The following RASL10B variants were observed in gnomAD, a reference collection of about 807,000 sequenced individuals.
The protein encoded by RASL10B is ras-like protein family member 10B.
A neutral mutation model predicts 20.7 loss-of-function variants in RASL10B; 10 were observed. The observed-to-expected ratio is 0.48, with a 90% CI of 0.30 to 0.82. RASL10B has a LOEUF of 0.82. RASL10B is among the 40% of genes least tolerant of loss of function. The pLI is 0.07. For missense variants in RASL10B, 231 were observed against 295.4 expected (o/e 0.78, Z 1.60); for synonymous variants, 110 against 123.3 (o/e 0.89, Z 0.72).
chr17:35,736,340 C>T (rs950752952), intron 2 of RASL10B, among the ~76,000 whole-genome samples: 2 of 152,224 alleles, frequency 1.3e-5, no homozygotes, highest in Admixed American at 1.3e-4. Context: ...CAAGGCTCGT[C>T]CAGGTGTAAC....
intron 2 of RASL10B, chr17:35,737,162 GATTTT>G (rs1357563898): frequency 6.6e-6 from 1 of 152,126 alleles, no homozygotes; most frequent in African/African-American, 2.4e-5. Flanking sequence ...TCTGTACCTT[GATTTT>G]ATTTTATTTT....
In RASL10B at chr17:35,735,041, A is replaced by G. The variant is rs1203394058; in HGVS notation, c.-144A>G. On this transcript the variant is annotated 5_prime_UTR_variant, in exon 2 of 4. Transcript: ENST00000603017. The surrounding 1 kb of genome is among the most constrained non-coding windows in gnomAD (Gnocchi z 6.7). ...AGCCCACCTCTTGTCCCCACAGTCC[A>G]GGTGGAGGCCGCAGAGGGCCCAGGG... is the stretch of plus-strand genomic sequence containing the variant. The G allele has an allele frequency of 2.8e-5, 22 of 780,584 alleles. No individual in the cohort carries two copies. In the Admixed American group the frequency reaches 4.5e-4, roughly 16 times the overall value. 48.4% of individuals were successfully genotyped at this position (780,584 alleles called of 1,614,324 possible).
chr17:35,735,303 G>A lies in RASL10B; in HGVS notation c.119G>A (p.Arg40His), dbSNP rs1302564987. The change falls in exon 2 of 4, where the codon CGC (arginine) becomes CAC (histidine). Residue 40 changes from arginine to histidine, a missense_variant. By Grantham distance (29) the Arg-to-His change is conservative. Transcript: ENST00000603017. This position sits in a 1 kb window ranked among gnomAD's most constrained non-coding sequence, Gnocchi z 6.7. ...GTCTGCGTCCCCACCACCGCCCGCC[G>A]CCTTTACCTGCCTGCTGTCGTCATG... ...SEVCVPTTAR[R>H]LYLPAVVMNG... 4.3e-6 allele frequency: 7 copies of A among 1,613,910 alleles called. No homozygotes were observed. The highest frequency in any genetic ancestry group is 2.2e-5 in the East Asian group (1 of 44,900).
rs1430502479 is a variant in RASL10B at position 35,733,227 on chromosome 17, G to A, written c.-148+1349G>A. Among the ~76,000 whole-genome samples, 3 of 152,316 alleles carry A rather than the reference G, an allele frequency of 2.0e-5. No homozygotes were observed. In the East Asian group the frequency reaches 5.8e-4, roughly 29 times the overall value. On this transcript the variant is annotated intron_variant, in intron 1 of 3. Transcript: ENST00000603017. ...CAGCCCCTCCTGGGATTGCTAGGAG[G>A]TTCCACTGCTAAGTTTGTGGGAAGC... is the stretch of plus-strand genomic sequence containing the variant.
intron 2 of RASL10B, among the ~76,000 whole-genome samples, chr17:35,739,235 G>A (rs781831863): frequency 6.6e-6 from 1 of 152,198 alleles, no homozygotes; most frequent in Non-Finnish European, 1.5e-5. Flanking sequence ...GTGGAGAACT[G>A]TAGTCCTCCT....
chr17:35,737,944 G>A (rs1288348183), intron 2 of RASL10B, among the ~76,000 whole-genome samples: 1 of 151,950 alleles, frequency 6.6e-6, no homozygotes, highest in Non-Finnish European at 1.5e-5. Flanking sequence ...GAGTTTGGAG[G>A]GGAGGTTATT....
At chr17:35,739,832 C>A (rs1382289860) in intron 2 of RASL10B, among the ~76,000 whole-genome samples, 2 of 152,204 alleles carry the variant, frequency 1.3e-5, no homozygotes, top group Admixed American at 6.5e-5. Flanking sequence ...GGAGTATATA[C>A]AAATGAGGAT....
At chr17:35,738,688 C>G (rs1439196064) in intron 2 of RASL10B, among the ~76,000 whole-genome samples, 2 of 152,150 alleles carry the variant, frequency 1.3e-5, no homozygotes, top group Non-Finnish European at 2.9e-5. Flanking sequence ...TCCCTTCAAT[C>G]AAGGGGGAAG....
At chr17:35,738,699 G>A (rs2085610262) in intron 2 of RASL10B, among the ~76,000 whole-genome samples, 1 of 152,090 alleles carries the variant, frequency 6.6e-6, no homozygotes, top group Non-Finnish European at 1.5e-5. Flanking sequence ...AAGGGGGAAG[G>A]GATAAGCTAG....
At chr17:35,740,639 T>TC in intron 3 of RASL10B, 106 bp downstream of exon 3, 1 of 1,331,128 alleles carries the variant, frequency 7.5e-7, no homozygotes, top group Non-Finnish European at 1.0e-6. Flanking sequence ...GGTATATGTG[T>TC]TCTAAGATTT....
rs151252462 is a variant in RASL10B at position 35,735,302 on chromosome 17, C to T, written c.118C>T (p.Arg40Cys). The change falls in exon 2 of 4, where the codon CGC (arginine) becomes TGC (cysteine). Residue 40 changes from arginine (R) to cysteine (C), a missense_variant. Transcript: ENST00000603017. This position sits in a 1 kb window ranked among gnomAD's most constrained non-coding sequence, Gnocchi z 6.7. ...SEVCVPTTAR[R>C]LYLPAVVMNG... ...GGTCTGCGTCCCCACCACCGCCCGC[C>T]GCCTTTACCTGCCTGCTGTCGTCAT... 1.7e-4 allele frequency: 279 copies of T among 1,614,114 alleles called. 4 individuals carry two copies. The South Asian group carries it at 2.7e-3, about 15-fold the overall frequency.
At chr17:35,740,999 C>A in intron 3 of RASL10B, 36 bp from the exon 4 acceptor site, 1 of 1,539,098 alleles carries the variant, frequency 6.5e-7, no homozygotes, top group South Asian at 1.2e-5. Context: ...GGTTGTGGGG[C>A]TGACAGAGTT....
rs1003261274 is a variant in RASL10B, at chr17:35,735,071, C to G, written c.-114C>G. 4.6e-6 allele frequency: 5 copies of G among 1,092,654 alleles called. No individual in the cohort carries two copies. The highest frequency in any genetic ancestry group is 6.8e-6 in the Non-Finnish European group (5 of 738,636). The allele number at this position is 1,092,654 out of a possible 1,614,324, so 67.7% of individuals were successfully genotyped here. On this transcript the variant is annotated 5_prime_UTR_variant, in exon 2 of 4. Transcript: ENST00000603017. This position sits in a 1 kb window ranked among gnomAD's most constrained non-coding sequence, Gnocchi z 6.7. ...GAGGCCGCAGAGGGCCCAGGGCAAG[C>G]AGAGGCAGCAATGGTTGGTCCTGAC...
intron 1 of RASL10B, among the ~76,000 whole-genome samples, chr17:35,732,117 TC>T (rs151239237): frequency 0.025 from 3,754 of 151,794 alleles, 149 homozygotes; most frequent in African/African-American, 0.084. Flanking sequence ...GGCTTCTACA[TC>T]CCCCCAAACT....
At chr17:35,740,833 C>T (rs1012460086) in intron 3 of RASL10B, among the ~76,000 whole-genome samples, 1 of 152,232 alleles carries the variant, frequency 6.6e-6, no homozygotes, top group East Asian at 1.9e-4. Flanking sequence ...CCTATGTCCT[C>T]ATCTGTAAAA....
Position 35,737,518 on chromosome 17 carries a change from T to G in RASL10B, c.216+2118T>G, listed in dbSNP as rs116497939. ...GAGTGGCCTTGTAGATAGGTCATTT[T>G]GAACATAAGTAGGTATATCTGTGGG... On this transcript the variant is annotated intron_variant, in intron 2 of 3. Coordinates refer to ENST00000603017, the MANE Select transcript of RASL10B (RefSeq NM_033315.4). 3.1e-3 allele frequency among the ~76,000 whole-genome samples: 464 copies of G among 151,236 alleles called. 4 individuals are homozygous for G. Among genetic ancestry groups the G allele is most frequent in the African/African-American group, 0.011 (452 of 41,472 alleles).
chr17:35,737,234 T>C (rs1210217475), intron 2 of RASL10B, among the ~76,000 whole-genome samples: 1 of 152,224 alleles, frequency 6.6e-6, no homozygotes, highest in Non-Finnish European at 1.5e-5. Context: ...CTCGAACTAC[T>C]GGCCTCAAGC....
intron 2 of RASL10B, among the ~76,000 whole-genome samples, chr17:35,738,543 G>A (rs1393500023): frequency 1.3e-5 from 2 of 152,144 alleles, no homozygotes; most frequent in Admixed American, 1.3e-4. Context: ...ACTCACCAAA[G>A]GAATTATCAG....
At chr17:35,732,835 G>T (rs992595721) in intron 1 of RASL10B, among the ~76,000 whole-genome samples, 23 of 152,172 alleles carry the variant, frequency 1.5e-4, no homozygotes, top group African/African-American at 5.6e-4. Context: ...CTCCCCACCT[G>T]CCTGTACTGG....
Sources: allele counts gnomAD v4.1 joint callset (sites outside exome capture counted in the v4.1 genomes callset), GRCh38; gene constraint gnomAD v4.1.1; non-coding constraint Gnocchi (gnomAD v3.1); transcripts MANE v1.5; gene names NCBI Gene and HGNC (gene_info 2026-07-23, HGNC 2026-07-21).